SRRM3: variants seen among roughly 807,000 people sequenced by gnomAD.
SRRM3 encodes serine/arginine repetitive matrix protein 3.
A neutral mutation model predicts 66.2 loss-of-function variants in SRRM3; 27 were observed. That is an observed-to-expected ratio of 0.41 (90% confidence interval 0.30 to 0.56). The LOEUF is 0.56. Ranked by LOEUF, SRRM3 falls within the 20% of genes least tolerant of loss-of-function variation. The probability of loss-of-function intolerance (pLI) is 0.32; values close to 1 mark genes in which losing one functional copy is unlikely to be tolerated. For missense variants in SRRM3, 918 were observed against 991.9 expected, an observed-to-expected ratio of 0.93 and a Z score of 1.00; for synonymous variants, 391 against 414.9, an observed-to-expected ratio of 0.94 and a Z score of 0.70.
intron 1 of SRRM3, 169 bp from the exon 2 acceptor site, chr7:76,234,859 T>G: frequency 3.6e-6 from 2 of 560,952 alleles, no homozygotes; most frequent in Non-Finnish European, 6.2e-6. Flanking sequence ...TGCCCTGAGG[T>G]GTGACCCAAA....
At chr7:76,208,766 T>G (rs1583862436) in intron 1 of SRRM3, among the ~76,000 whole-genome samples, 4 of 141,978 alleles carry the variant, frequency 2.8e-5, no homozygotes, top group African/African-American at 2.7e-5. Flanking sequence ...ATCCGGGAGG[T>G]GGAAATTGCA....
chr7:76,285,643 C>T lies in SRRM3; in HGVS notation c.1762C>T (p.Arg588Trp). The T allele has an allele frequency of 1.3e-6, 2 of 1,550,966 alleles. No homozygotes were observed. The highest frequency in any genetic ancestry group is 1.7e-6 in the Non-Finnish European group (2 of 1,146,912). The change falls in exon 15 of 15, where the codon CGG (arginine) becomes TGG (tryptophan). Residue 588 changes from arginine to tryptophan, a missense_variant. Transcript: ENST00000611745. This position sits in a 1 kb window ranked among gnomAD's most constrained non-coding sequence, Gnocchi z 4.1. Reference protein sequence around the residue: ...SARKRPIPYYRPSPSSSSSCL... With the variant: ...SARKRPIPYYWPSPSSSSSCL... ...CCGCAAGCGTCCTATTCCATACTAC[C>T]GGCCCAGCCCCTCTTCCTCCTCCAG... is the stretch of plus-strand genomic sequence containing the variant.
intron 1 of SRRM3, among the ~76,000 whole-genome samples, chr7:76,232,681 G>A (rs1801044112): frequency 6.6e-6 from 1 of 152,172 alleles, no homozygotes; most frequent in African/African-American, 2.4e-5. Flanking sequence ...TAGGAATGAA[G>A]AGTATCCCAG....
chr7:76,248,048 C>G, intron 2 of SRRM3, 140 bp from the exon 3 acceptor site: 1 of 658,052 alleles, frequency 1.5e-6, no homozygotes, highest in East Asian at 2.7e-5. Context: ...CTGGCTTGAT[C>G]TGTGACCTTG....
intron 1 of SRRM3, among the ~76,000 whole-genome samples, chr7:76,204,260 C>T (rs1386784958): frequency 6.6e-6 from 1 of 152,152 alleles, no homozygotes; most frequent in Non-Finnish European, 1.5e-5. Context: ...AAAATCATAG[C>T]TCTTCCTGTC....
chr7:76,220,893 TC>T (rs1800693040), intron 1 of SRRM3, among the ~76,000 whole-genome samples: 2 of 151,148 alleles, frequency 1.3e-5, no homozygotes, highest in Non-Finnish European at 3.0e-5. Context: ...GCAGTTCCCC[TC>T]CCCCCACCGC....
chr7:76,282,209 C>G (rs1357860129), intron 12 of SRRM3, among the ~76,000 whole-genome samples: 2 of 149,544 alleles, frequency 1.3e-5, no homozygotes, highest in Non-Finnish European at 3.0e-5. Context: ...GGGAGTTTCC[C>G]TCCCCACACT....
At chr7:76,210,011 G>A (rs1487071410) in intron 1 of SRRM3, among the ~76,000 whole-genome samples, 1 of 152,210 alleles carries the variant, frequency 6.6e-6, no homozygotes, top group South Asian at 2.1e-4. Context: ...CCTGCAATAG[G>A]GTAGGAGGCA....
At chr7:76,231,346 A>T (rs1438292557) in intron 1 of SRRM3, among the ~76,000 whole-genome samples, 1 of 152,170 alleles carries the variant, frequency 6.6e-6, no homozygotes, top group African/African-American at 2.4e-5. Context: ...TCATTTCTGC[A>T]ACGATTACCC....
intron 1 of SRRM3, among the ~76,000 whole-genome samples, chr7:76,233,148 A>T (rs1001426913): frequency 4.6e-5 from 7 of 152,164 alleles, no homozygotes; most frequent in Non-Finnish European, 1.0e-4. Flanking sequence ...ACAAAAAAAA[A>T]TTCTTTGTTT....
chr7:76,274,158 G>A (rs1453745496), intron 11 of SRRM3, among the ~76,000 whole-genome samples: 5 of 152,240 alleles, frequency 3.3e-5, no homozygotes, highest in African/African-American at 4.8e-5. Flanking sequence ...GAGCCAGTGC[G>A]GGGCCTCCTG....
At position 76,220,515 on chromosome 7, in the gene SRRM3, C is replaced by T. The variant is rs782732497; in HGVS notation, c.-39-14513C>T. Among the ~76,000 whole-genome samples the T allele has an allele frequency of 6.6e-4, 100 of 152,168 alleles. 1 individual carries two copies. The highest frequency in any genetic ancestry group is 2.3e-3 in the African/African-American group (96 of 41,434). On this transcript the variant is annotated intron_variant, in intron 1 of 14. Transcript: ENST00000611745. ...GGCTTTCTCCTGTGGTCTGCAGGCT[C>T]GCCCTCTCTGCCTCACCGGCCCCGG...
At chr7:76,260,622 A>C (rs1801840171) in intron 5 of SRRM3, among the ~76,000 whole-genome samples, 2 of 151,336 alleles carry the variant, frequency 1.3e-5, no homozygotes. Flanking sequence ...CTCTCACTGA[A>C]TCCCCCAGAG....
intron 6 of SRRM3, 45 bp from the exon 7 acceptor site, chr7:76,261,300 GCCCCCCA>G: frequency 1.9e-6 from 1 of 519,202 alleles, no homozygotes; most frequent in Non-Finnish European, 3.3e-6. Flanking sequence ...GCCATTTCCA[GCCCCCCA>G]CCCCCCACCC....
intron 1 of SRRM3, among the ~76,000 whole-genome samples, chr7:76,227,435 G>A (rs1047306109): frequency 3.9e-5 from 6 of 152,108 alleles, no homozygotes; most frequent in Admixed American, 3.3e-4. Context: ...CCAGAGACCC[G>A]GTGTCATCTA....
rs782033133 is a variant in SRRM3, at chr7:76,285,748, C to T, written c.1867C>T (p.Arg623Cys). ...PGHSHGSYSS[R>C]SHGTRSRTRS... ...CCACAGCCACGGGAGCTACAGCAGT[C>T]GCAGCCATGGGACCCGCAGCCGGAC... Residue 623 changes from arginine to cysteine, a missense_variant, in exon 15 of 15, where the codon CGC becomes TGC. Transcript: ENST00000611745. The surrounding 1 kb of genome is among the most constrained non-coding windows in gnomAD (Gnocchi z 4.1). 4.3e-5 allele frequency: 67 copies of T among 1,550,586 alleles called. No individual in the cohort carries two copies. Among genetic ancestry groups the T allele is most frequent in the Non-Finnish European group, 5.6e-5 (64 of 1,146,882 alleles).
In SRRM3 at chr7:76,267,398, A is replaced by T; in HGVS notation, c.971A>T (p.His324Leu). The change falls in exon 11 of 15, where the codon CAC becomes CTC. Residue 324 changes from histidine (H) to leucine (L), a missense_variant. Transcript: ENST00000611745. ...GGCAGCGGGCAGCGGAGCGGAGCGC[A>T]CGGGGGCCGCCCCGGCTCGGCGCAC... Reference protein sequence around the residue: ...NGGSGQRSGAHGGRPGSAHSP... With the variant: ...NGGSGQRSGALGGRPGSAHSP... The T allele has an allele frequency of 7.2e-7, 1 of 1,398,184 alleles. No homozygotes were observed. The highest frequency in any genetic ancestry group is 1.5e-5 in the African/African-American group (1 of 65,518). The allele number at this position is 1,398,184 out of a possible 1,614,324, so 86.6% of individuals were successfully genotyped here.
chr7:76,204,093 C>T (rs1554600864), intron 1 of SRRM3, among the ~76,000 whole-genome samples: 2 of 152,162 alleles, frequency 1.3e-5, no homozygotes, highest in Admixed American at 6.6e-5. Context: ...CTCTTGCTGA[C>T]CTCTGCCAGC....
intron 10 of SRRM3, among the ~76,000 whole-genome samples, chr7:76,266,780 C>G (rs1213788232): frequency 1.3e-5 from 2 of 149,546 alleles, no homozygotes; most frequent in Admixed American, 6.9e-5. Context: ...TCAAGCAATT[C>G]TCCAGCCTCA....
Sources: allele counts gnomAD v4.1 joint callset (sites outside exome capture counted in the v4.1 genomes callset), GRCh38; gene constraint gnomAD v4.1.1; non-coding constraint Gnocchi (gnomAD v3.1); transcripts MANE v1.5; gene names NCBI Gene and HGNC (gene_info 2026-07-23, HGNC 2026-07-21).